The following TBC1D19 variants were observed in gnomAD, a reference collection of about 807,000 sequenced individuals.
TBC1D19 encodes the protein TBC1 domain family, member 19.
In TBC1D19, 60 loss-of-function variants were observed where a neutral mutation model predicts 89.0. The ratio of observed to expected loss-of-function variants is 0.67; its 90% CI spans 0.55 to 0.84. TBC1D19 has a LOEUF of 0.84. Among genes scored for constraint, TBC1D19 ranks in the 40% least tolerant of loss-of-function variants. The pLI is 0.00. For synonymous variants in TBC1D19, 189 were observed against 199.7 expected (o/e 0.95, Z 0.45); for missense variants, 500 against 610.8 (o/e 0.82, Z 1.91).
chr4:26,771,180 A>G, the TBC1D19 span, among the ~76,000 whole-genome samples: 1 of 152,076 alleles, frequency 6.6e-6, no homozygotes, highest in East Asian at 1.9e-4. Flanking sequence ...CTATTATAAA[A>G]AAAAAAAAGA....
At chr4:26,742,235 A>G (rs1440040826) in intron 17 of TBC1D19, among the ~76,000 whole-genome samples, 1 of 152,216 alleles carries the variant, frequency 6.6e-6, no homozygotes, top group Non-Finnish European at 1.5e-5. Flanking sequence ...GGACTCTCCA[A>G]ATATTATATA....
chr4:26,680,157 C>T (rs890176878), intron 11 of TBC1D19, among the ~76,000 whole-genome samples: 18 of 152,146 alleles, frequency 1.2e-4, no homozygotes, highest in East Asian at 3.9e-4. Flanking sequence ...GAGGCTTCCA[C>T]GGCCATGTGG....
chr4:26,603,893 C>CTCACCATCCATCT (rs1171316548), intron 1 of TBC1D19, among the ~76,000 whole-genome samples: 1 of 151,988 alleles, frequency 6.6e-6, no homozygotes, highest in Non-Finnish European at 1.5e-5. Context: ...TGCAGCCATC[C>CTCACCATCCATCT]TCACCATCCA....
At chr4:26,583,505 C>T (rs138651304), upstream of TBC1D19, among the ~76,000 whole-genome samples, 339 of 152,268 alleles carry the variant, frequency 2.2e-3, 3 homozygotes, top group Non-Finnish European at 3.4e-3. Flanking sequence ...TTGCAGAAAA[C>T]CTACAAATAA....
Position 26,601,945 on chromosome 4 carries a change from C to G in TBC1D19, c.100-11224C>G, listed in dbSNP as rs538792694. On this transcript the variant is annotated intron_variant, in intron 1 of 20. Transcript: ENST00000264866. ...GTTTCTTTTTCTATAGGAGGTACCTCTGTTGTGACATCTTTTCTTTCTTAT... is the reference window on the plus strand; with the variant it reads ...GTTTCTTTTTCTATAGGAGGTACCTGTGTTGTGACATCTTTTCTTTCTTAT... 4.6e-5 allele frequency among the ~76,000 whole-genome samples: 7 copies of G among 152,294 alleles called. No homozygotes were observed. In the South Asian group the frequency reaches 1.5e-3, roughly 32 times the overall value.
chr4:26,855,002 C>G, the TBC1D19 span, among the ~76,000 whole-genome samples: 6 of 152,186 alleles, frequency 3.9e-5, no homozygotes, highest in Non-Finnish European at 1.5e-5. Context: ...CCCTTCTTCT[C>G]GCACTGTTCC....
chr4:26,759,132 C>T (rs1719373580), downstream of TBC1D19, among the ~76,000 whole-genome samples: 1 of 152,186 alleles, frequency 6.6e-6, no homozygotes, highest in African/African-American at 2.4e-5. Flanking sequence ...GAATCCTTAA[C>T]CCCTACATAT....
intron 7 of TBC1D19, among the ~76,000 whole-genome samples, chr4:26,647,100 A>C (rs954129453): frequency 1.3e-5 from 2 of 152,180 alleles, no homozygotes; most frequent in African/African-American, 2.4e-5. Flanking sequence ...AAATGGAAAC[A>C]ATTTGATGGA....
At chr4:26,576,740 A>G in exon 1 of TBC1D19, 1 of 456,288 alleles carries the variant, frequency 2.2e-6, no homozygotes, top group Non-Finnish European at 4.4e-6. Context: ...CAGAGCCACT[A>G]GCAGATGTCA....
At chr4:26,585,202 T>C (rs1214576234) in intron 1 of TBC1D19, 1 of 446,738 alleles carries the variant, frequency 2.2e-6, no homozygotes, top group East Asian at 7.2e-5. Context: ...TAATGTTTCA[T>C]TCTATGAGAA....
At chr4:26,834,845 A>G in the TBC1D19 span, among the ~76,000 whole-genome samples, 1 of 152,088 alleles carries the variant, frequency 6.6e-6, no homozygotes. Flanking sequence ...TGATGCTCAC[A>G]TTTAGATGGT....
chr4:26,656,990 TCTC>T (rs377754268), intron 7 of TBC1D19, among the ~76,000 whole-genome samples: 38 of 83,966 alleles, frequency 4.5e-4, no homozygotes, highest in East Asian at 1.1e-3. Context: ...TTCTTCTTCT[TCTC>T]CTTCTCCTTC....
chr4:26,653,175 G>T (rs1305803565), intron 7 of TBC1D19, among the ~76,000 whole-genome samples: 3 of 152,162 alleles, frequency 2.0e-5, no homozygotes, highest in Non-Finnish European at 4.4e-5. Flanking sequence ...TAGTTGAGCT[G>T]TTCTGAGTGA....
chr4:26,704,344 G>A (rs7670323), intron 13 of TBC1D19, among the ~76,000 whole-genome samples: 134,665 of 152,156 alleles, frequency 0.89, 61,785 homozygotes, highest in Non-Finnish European at 1. Context: ...AAGTATATAA[G>A]ATATTCATAG....
the TBC1D19 span, among the ~76,000 whole-genome samples, chr4:26,807,296 C>G: frequency 6.6e-6 from 1 of 152,096 alleles, no homozygotes; most frequent in Non-Finnish European, 1.5e-5. Flanking sequence ...AGCCGCCACC[C>G]GCAACAAGAC....
chr4:26,586,008 G>A (rs1340069813), intron 1 of TBC1D19, among the ~76,000 whole-genome samples: 1 of 152,130 alleles, frequency 6.6e-6, no homozygotes. Flanking sequence ...CTACCTAAAA[G>A]TGTTTGCCTA....
chr4:26,849,006 C>T, the TBC1D19 span, among the ~76,000 whole-genome samples: 4 of 151,936 alleles, frequency 2.6e-5, no homozygotes, highest in Admixed American at 2.6e-4. Flanking sequence ...CCTGTCTCCA[C>T]AAAAAATAAA....
chr4:26,586,721 C>T (rs1020177226), intron 1 of TBC1D19, among the ~76,000 whole-genome samples: 10 of 152,090 alleles, frequency 6.6e-5, no homozygotes, highest in East Asian at 1.9e-4. Context: ...TGGTTTTTGA[C>T]GCTATTATAA....
At position 26,635,478 on chromosome 4, in the gene TBC1D19, G is replaced by A. The variant is rs114994547; in HGVS notation, c.295-1733G>A. ...TAAGCCAATAAATAGAGTTAATTTG[G>A]GAGCTATTTCATGTAATGTATTGAG... On this transcript the variant is annotated intron_variant, in intron 4 of 20. Coordinates refer to ENST00000264866, the MANE Select transcript of TBC1D19 (RefSeq NM_018317.4). Among the ~76,000 whole-genome samples, 765 of 152,064 alleles carry A rather than the reference G, an allele frequency of 5.0e-3. 8 individuals carry two copies. The highest frequency in any genetic ancestry group is 0.017 in the African/African-American group (721 of 41,508).
Sources: gnomAD v4.1 joint callset for allele counts (sites outside exome capture counted in the v4.1 genomes callset) on GRCh38, gnomAD v4.1.1 for gene constraint, MANE v1.5 for transcripts, NCBI Gene and HGNC (gene_info 2026-07-23, HGNC 2026-07-21) for gene names.